The following CPPED1 variants were observed in gnomAD, a reference collection of about 807,000 sequenced individuals.
CPPED1 encodes serine/threonine-protein phosphatase CPPED1.
CPPED1 carries 28 observed loss-of-function variants against 28.0 expected under a neutral mutation model. The observed-to-expected ratio is 1.00, with a 90% CI of 0.74 to 1.37. CPPED1 has a LOEUF of 1.37. Among genes scored for constraint, CPPED1 ranks in the 40% most tolerant of loss-of-function variants. The probability of loss-of-function intolerance (pLI) is 0.00; values close to 1 mark genes in which losing one functional copy is unlikely to be tolerated. For synonymous variants in CPPED1, 198 were observed against 180.2 expected (o/e 1.10, Z -0.79); for missense variants, 504 against 416.5 (o/e 1.21, Z -1.83).
intron 2 of CPPED1, among the ~76,000 whole-genome samples, chr16:12,745,633 G>A (rs551422016): frequency 3.3e-5 from 5 of 152,352 alleles, no homozygotes; most frequent in Admixed American, 3.3e-4. Flanking sequence ...AAGAACTTAT[G>A]TGTACAAAGA....
chr16:12,769,194 A>G (rs965090327), intron 2 of CPPED1, among the ~76,000 whole-genome samples: 3 of 152,072 alleles, frequency 2.0e-5, no homozygotes, highest in African/African-American at 7.2e-5. Context: ...TGAAACTATG[A>G]CAGTTATTAG....
At position 12,664,540 on chromosome 16, in the gene CPPED1, T is replaced by C. The variant is rs1444960912; in HGVS notation, c.*346A>G. On this transcript the variant is annotated 3_prime_UTR_variant, in exon 4 of 4. Coordinates refer to ENST00000381774, the MANE Select transcript of CPPED1 (RefSeq NM_018340.3). This position sits in a 1 kb window ranked among gnomAD's most constrained non-coding sequence, Gnocchi z 4.2. ...CTTGGCTGTCAGATTGGAATTGAGG[T>C]CGATAGGCAGACTTTGACCATATGC... 1 of 1,084,172 alleles carries C rather than the reference T, an allele frequency of 9.2e-7. No individual in the cohort carries two copies. The highest frequency in any genetic ancestry group is 1.7e-5 in the African/African-American group (1 of 58,596). 67.2% of individuals were successfully genotyped at this position (1,084,172 alleles called of 1,614,324 possible). A position where few individuals can be genotyped will look rare whatever the true frequency, so the allele number is the denominator to read the frequency against.
At chr16:12,796,029 G>A (rs1188281469) in intron 1 of CPPED1, among the ~76,000 whole-genome samples, 1 of 151,548 alleles carries the variant, frequency 6.6e-6, no homozygotes, top group East Asian at 2.0e-4. Flanking sequence ...GTTGCAGTGA[G>A]CCAAGATCAC....
chr16:12,803,011 C>T (rs1028875493), intron 1 of CPPED1, among the ~76,000 whole-genome samples: 11 of 152,224 alleles, frequency 7.2e-5, no homozygotes, highest in Non-Finnish European at 2.9e-5. Context: ...AGAAACAAAC[C>T]TCCCTCTTTA....
chr16:12,776,142 A>G (rs781300572), intron 2 of CPPED1, among the ~76,000 whole-genome samples: 1 of 152,180 alleles, frequency 6.6e-6, no homozygotes, highest in African/African-American at 2.4e-5. Flanking sequence ...GGAGAATCAG[A>G]GTAACAGAAT....
intron 2 of CPPED1, among the ~76,000 whole-genome samples, chr16:12,776,851 G>A (rs542104629): frequency 1.8e-4 from 28 of 152,160 alleles, no homozygotes; most frequent in Admixed American, 7.9e-4. Flanking sequence ...CCCAGGAGGC[G>A]GAGGTTGCAA....
At chr16:12,695,510 A>T (rs911719536) in intron 3 of CPPED1, among the ~76,000 whole-genome samples, 8 of 152,154 alleles carry the variant, frequency 5.3e-5, no homozygotes, top group Admixed American at 1.3e-4. Context: ...GGATCAAGCG[A>T]TCCTCCTACT....
intron 1 of CPPED1, among the ~76,000 whole-genome samples, chr16:12,787,724 A>G (rs564280712): frequency 1.1e-4 from 16 of 152,178 alleles, no homozygotes; most frequent in African/African-American, 3.6e-4. Flanking sequence ...AACTTTTTCA[A>G]CGTTAATTTT....
At chr16:12,710,855 G>A (rs2080076330) in intron 2 of CPPED1, among the ~76,000 whole-genome samples, 1 of 152,204 alleles carries the variant, frequency 6.6e-6, no homozygotes, top group Non-Finnish European at 1.5e-5. Flanking sequence ...TGGTGAGGAT[G>A]TGGAGAAAAT....
chr16:12,758,917 C>T (rs980327892), intron 2 of CPPED1, among the ~76,000 whole-genome samples: 4 of 152,036 alleles, frequency 2.6e-5, no homozygotes, highest in Middle Eastern at 3.4e-3. Context: ...AATTCCAGCA[C>T]TCTGGGAGGC....
chr16:12,761,776 C>T (rs1357241323), intron 2 of CPPED1, among the ~76,000 whole-genome samples: 5 of 152,088 alleles, frequency 3.3e-5, no homozygotes, highest in South Asian at 2.1e-4. Context: ...TTTGGGAGGC[C>T]GAGGCGGGCG....
Position 12,766,904 on chromosome 16 carries a change from C to G in CPPED1, c.289+14281G>C, listed in dbSNP as rs2080443016. Among the ~76,000 whole-genome samples the G allele has an allele frequency of 2.6e-5, 4 of 152,182 alleles. No individual in the cohort carries two copies. The South Asian group carries it at 8.3e-4, about 31-fold the overall frequency. ...CGATTTGCCTAACGGCCTCTACAAT[C>G]ATGGTCTGCTATGAGCGACAGCATT... On this transcript the variant is annotated intron_variant, in intron 2 of 3. Transcript: ENST00000381774.
chr16:12,663,690 A>C lies in CPPED1; in HGVS notation c.*1196T>G, dbSNP rs2079809226. On this transcript the variant is annotated 3_prime_UTR_variant, in exon 4 of 4. Transcript: ENST00000381774. ...TTTAATTTAATAGACTTTGCAGGTCATGTGTAACCAGCTTTGGAAATCATT... is the reference window on the plus strand; with the variant it reads ...TTTAATTTAATAGACTTTGCAGGTCCTGTGTAACCAGCTTTGGAAATCATT... 1 of 152,184 alleles carries C rather than the reference A, an allele frequency of 6.6e-6. No homozygotes were observed. The highest frequency in any genetic ancestry group is 6.5e-5 in the Admixed American group (1 of 15,278). The allele number at this position is 152,184 out of a possible 1,614,324, so 9.4% of individuals were successfully genotyped here.
intron 2 of CPPED1, among the ~76,000 whole-genome samples, chr16:12,774,402 A>C (rs2080486073): frequency 6.6e-6 from 1 of 151,684 alleles, no homozygotes; most frequent in Non-Finnish European, 1.5e-5. Flanking sequence ...CGGGAGGCAG[A>C]GGTTGCAGTG....
At chr16:12,794,350 A>T (rs181411700) in intron 1 of CPPED1, among the ~76,000 whole-genome samples, 1 of 152,166 alleles carries the variant, frequency 6.6e-6, no homozygotes, top group African/African-American at 2.4e-5. Flanking sequence ...AAAGAAGCCC[A>T]AAGTGGTAAA....
At position 12,803,753 on chromosome 16, in the gene CPPED1, A is replaced by AC. The variant is rs760252778; in HGVS notation, c.23dup (p.Val9CysfsTer47). ...TCCTGCCCCTGGCTCTGTGGAAAAC[A>AC]CCCCCCGCCTCTGCAGCCGACATGG... On this transcript the variant is annotated frameshift_variant, in exon 1 of 4. Coordinates refer to ENST00000381774, the MANE Select transcript of CPPED1 (RefSeq NM_018340.3). LOFTEE classifies it high-confidence loss of function. The AC allele has an allele frequency of 3.9e-6, 6 of 1,540,436 alleles. No homozygotes were observed. The highest frequency in any genetic ancestry group is 3.5e-6 in the Non-Finnish European group (4 of 1,144,014).
chr16:12,670,546 G>C lies in CPPED1; in HGVS notation c.716-5431C>G, dbSNP rs922299627. Among the ~76,000 whole-genome samples, 2 of 151,698 alleles carry C rather than the reference G, an allele frequency of 1.3e-5. No individual in the cohort carries two copies. The highest frequency in any genetic ancestry group is 2.9e-5 in the Non-Finnish European group (2 of 67,976). On this transcript the variant is annotated intron_variant, in intron 3 of 3. Transcript: ENST00000381774. This position sits in a 1 kb window ranked among gnomAD's most constrained non-coding sequence, Gnocchi z 4.2. The stretch of plus-strand genomic sequence containing the variant: ...AGAATGTATTTACAGTGAAGAAACT[G>C]GACAAACACCAAAAGCGATAAGTCA...
chr16:12,768,867 CTTTTTT>C (rs35322378), intron 2 of CPPED1, among the ~76,000 whole-genome samples: 3 of 138,042 alleles, frequency 2.2e-5, no homozygotes, highest in African/African-American at 5.3e-5. Flanking sequence ...TTTTCTTTTT[CTTTTTT>C]TTTTTTTTTG....
intron 3 of CPPED1, among the ~76,000 whole-genome samples, chr16:12,675,967 G>T (rs917989865): frequency 2.0e-5 from 3 of 152,224 alleles, no homozygotes; most frequent in African/African-American, 7.2e-5. Flanking sequence ...AGGGGGCAAA[G>T]GGGAAGCGAC....
Sources: gnomAD v4.1 joint callset for allele counts (sites outside exome capture counted in the v4.1 genomes callset) on GRCh38, gnomAD v4.1.1 for gene constraint, Gnocchi (gnomAD v3.1) non-coding constraint, MANE v1.5 for transcripts, NCBI Gene and HGNC (gene_info 2026-07-23, HGNC 2026-07-21) for gene names.